Variants in KAZN observed in about 807,000 individuals in gnomAD.
KAZN encodes the protein kazrin.
Under a neutral mutation model 87.4 loss-of-function variants are expected in KAZN, and 40 were observed. The ratio of observed to expected loss-of-function variants is 0.46; its 90% CI spans 0.36 to 0.60. The LOEUF is 0.60. Ranked by LOEUF, KAZN falls within the 20% of genes least tolerant of loss-of-function variation. KAZN has a pLI of 0.00. For synonymous variants in KAZN, 466 were observed against 458.3 expected, an observed-to-expected ratio of 1.02 and a Z score of -0.22; for missense variants, 898 against 1,073.9, an observed-to-expected ratio of 0.84 and a Z score of 2.29.
chr1:14,692,047 TAAA>T, intron 1 of KAZN: 1 of 225,856 alleles, frequency 4.4e-6, no homozygotes, highest in Non-Finnish European at 9.2e-6. Flanking sequence ...ACAGTAGTGG[TAAA>T]AAAAAAAAAT....
intron 1 of KAZN, among the ~76,000 whole-genome samples, chr1:14,792,691 G>T (rs72636687): frequency 0.068 from 10,278 of 152,162 alleles, 447 homozygotes; most frequent in African/African-American, 0.12. Flanking sequence ...TAAGGTCCAG[G>T]ACATGGCTGG....
At chr1:15,074,306 G>A (rs1052249796) in intron 8 of KAZN, among the ~76,000 whole-genome samples, 4 of 152,216 alleles carry the variant, frequency 2.6e-5, no homozygotes, top group Non-Finnish European at 4.4e-5. Flanking sequence ...TGTTGAAATA[G>A]GTGTGAATGA....
chr1:14,120,941 T>G (rs1644739065), intron 1 of KAZN, among the ~76,000 whole-genome samples: 1 of 152,186 alleles, frequency 6.6e-6, no homozygotes, highest in Non-Finnish European at 1.5e-5. Context: ...GAGACCCAGA[T>G]GGGCAGTCTG....
At chr1:14,658,404 T>A (rs1471144467) in intron 1 of KAZN, among the ~76,000 whole-genome samples, 1 of 152,160 alleles carries the variant, frequency 6.6e-6, no homozygotes, top group Non-Finnish European at 1.5e-5. Flanking sequence ...ACTCTGAGCC[T>A]CAGTTCCTCT....
chr1:14,589,771 G>A (rs756697306), intron 2 of KAZN, among the ~76,000 whole-genome samples: 9 of 152,064 alleles, frequency 5.9e-5, no homozygotes, highest in Non-Finnish European at 1.3e-4. Flanking sequence ...TTCCTCTGTG[G>A]CCTTGAATGG....
At chr1:14,587,435 C>CAA (rs1178802899) in intron 2 of KAZN, among the ~76,000 whole-genome samples, 1 of 85,448 alleles carries the variant, frequency 1.2e-5, no homozygotes. Flanking sequence ...GACTCCAACT[C>CAA]AAAAAAAAAA....
rs1033184426 is a variant in KAZN, at chr1:14,542,939, T to C, written c.250-56044T>C. Among the ~76,000 whole-genome samples, 3 of 141,682 alleles carry C rather than the reference T, an allele frequency of 2.1e-5. No individual in the cohort carries two copies. The East Asian group carries it at 6.9e-4, about 33-fold the overall frequency. 92.9% of individuals were successfully genotyped at this position (141,682 alleles called of 152,430 possible). On this transcript the variant is annotated intron_variant, in intron 2 of 16. Transcript: ENST00000636203. ...CCTGCCCAGCCAGAAGTGGCAGCCCTGCTCTTGGGTATGGAAAAGATGGAA... is the reference window on the plus strand; with the variant it reads ...CCTGCCCAGCCAGAAGTGGCAGCCCCGCTCTTGGGTATGGAAAAGATGGAA...
chr1:14,293,756 C>A (rs1653900620), intron 2 of KAZN, among the ~76,000 whole-genome samples: 1 of 152,116 alleles, frequency 6.6e-6, no homozygotes, highest in African/African-American at 2.4e-5. Context: ...TTCTCTCAAC[C>A]CCTGCAACAG....
chr1:14,146,705 GAAAAA>G (rs34508324), intron 1 of KAZN, among the ~76,000 whole-genome samples: 3 of 137,314 alleles, frequency 2.2e-5, no homozygotes, highest in African/African-American at 5.2e-5. Flanking sequence ...GATCATCTCA[GAAAAA>G]AAAAAAAAAA....
At chr1:14,885,331 T>C (rs900305158) in intron 1 of KAZN, among the ~76,000 whole-genome samples, 2 of 151,962 alleles carry the variant, frequency 1.3e-5, no homozygotes, top group African/African-American at 4.8e-5. Context: ...CTGCTGAACA[T>C]TGCAGCTGCC....
At position 14,097,382 on chromosome 1, in the gene KAZN, C is replaced by G. The variant is rs577374588; in HGVS notation, c.92-83053C>G. On this transcript the variant is annotated intron_variant, in intron 1 of 16. Coordinates refer to the KAZN transcript ENST00000636203. ...CAAAGTGAAAAGGCCATTGGAAAGG[C>G]CTGCCTTTTCCCCACTCCCTGCTTG... Among the ~76,000 whole-genome samples, 185 of 152,304 alleles carry G rather than the reference C, an allele frequency of 1.2e-3. 1 individual carries two copies. The highest frequency in any genetic ancestry group is 4.3e-3 in the African/African-American group (179 of 41,554).
chr1:14,993,375 A>G (rs1158774270), intron 2 of KAZN, among the ~76,000 whole-genome samples: 1 of 151,932 alleles, frequency 6.6e-6, no homozygotes, highest in Admixed American at 6.5e-5. Context: ...AGGCTGAGGC[A>G]GGAGAATCAC....
chr1:14,099,717 C>T (rs72862533), intron 1 of KAZN, among the ~76,000 whole-genome samples: 10,779 of 152,184 alleles, frequency 0.071, 1,251 homozygotes, highest in African/African-American at 0.25. Context: ...AGACACCCCA[C>T]CCTTGCTTGC....
intron 1 of KAZN, among the ~76,000 whole-genome samples, chr1:14,811,908 A>G (rs1383718569): frequency 1.3e-5 from 2 of 152,184 alleles, no homozygotes; most frequent in Non-Finnish European, 2.9e-5. Context: ...AAGAATGAAA[A>G]CTTGAACCTG....
chr1:14,068,945 C>T (rs982432383), intron 1 of KAZN, among the ~76,000 whole-genome samples: 38 of 151,988 alleles, frequency 2.5e-4, no homozygotes, highest in African/African-American at 8.5e-4. Flanking sequence ...ACTACAGGCA[C>T]GTGCCACCAC....
intron 2 of KAZN, among the ~76,000 whole-genome samples, chr1:14,214,690 A>T (rs2100467645): frequency 6.6e-6 from 1 of 152,348 alleles, no homozygotes; most frequent in African/African-American, 2.4e-5. Flanking sequence ...ATTGTATATG[A>T]GATGTAAAAG....
chr1:14,124,657 A>G (rs1257232887), intron 1 of KAZN, among the ~76,000 whole-genome samples: 2 of 152,010 alleles, frequency 1.3e-5, no homozygotes, highest in Non-Finnish European at 2.9e-5. Context: ...ATATTCGCCA[A>G]CGGCCTCTCT....
At chr1:14,705,343 A>G (rs1233663859) in intron 1 of KAZN, among the ~76,000 whole-genome samples, 1 of 152,258 alleles carries the variant, frequency 6.6e-6, no homozygotes, top group Non-Finnish European at 1.5e-5. Context: ...AATGTAAACT[A>G]GTATAACTAC....
At chr1:14,004,744 G>C (rs1639961919) in intron 1 of KAZN, among the ~76,000 whole-genome samples, 1 of 88,702 alleles carries the variant, frequency 1.1e-5, no homozygotes, top group Non-Finnish European at 2.3e-5. Flanking sequence ...CAAAACTCAT[G>C]TTGGAGCTTA....
Sources: gnomAD v4.1 joint callset for allele counts (sites outside exome capture counted in the v4.1 genomes callset) on GRCh38, gnomAD v4.1.1 for gene constraint, MANE v1.5 for transcripts, NCBI Gene and HGNC (gene_info 2026-07-23, HGNC 2026-07-21) for gene names.